Variants in ADAR observed in about 807,000 individuals in gnomAD.
ADAR encodes double-stranded RNA-specific adenosine deaminase.
In ADAR, 41 loss-of-function variants were observed where a neutral mutation model predicts 113.2. That is an observed-to-expected ratio of 0.36 (90% confidence interval 0.28 to 0.47). The LOEUF (loss-of-function observed/expected upper bound fraction) is 0.47. ADAR is among the 20% of genes least tolerant of loss of function. The pLI, the probability that ADAR is intolerant of heterozygous loss-of-function variation, is 1.00. For synonymous variants in ADAR, 605 were observed against 572.6 expected (o/e 1.06, Z -0.81); for missense variants, 1,242 against 1,540.9 (o/e 0.81, Z 3.25).
chr1:154,605,502 A>C (rs770520627), intron 1 of ADAR, among the ~76,000 whole-genome samples: 1 of 150,584 alleles, frequency 6.6e-6, no homozygotes, highest in South Asian at 2.1e-4. Context: ...TAGGTGTCCT[A>C]TAAGTTATAC....
At chr1:154,613,533 C>T (rs1264261402) in intron 1 of ADAR, among the ~76,000 whole-genome samples, 4 of 152,018 alleles carry the variant, frequency 2.6e-5, no homozygotes, top group African/African-American at 9.7e-5. Flanking sequence ...GATCCGCCTG[C>T]CTCGGCCTCC....
chr1:154,600,937 G>T, intron 2 of ADAR, 104 bp downstream of exon 2: 1 of 1,496,776 alleles, frequency 6.7e-7, no homozygotes, highest in Non-Finnish European at 9.3e-7. Flanking sequence ...AGGAGGAAAA[G>T]ATAGGCGCCA....
At chr1:154,621,884 C>T (rs1333323555) in intron 1 of ADAR, among the ~76,000 whole-genome samples, 1 of 152,128 alleles carries the variant, frequency 6.6e-6, no homozygotes, top group South Asian at 2.1e-4. Context: ...TAAATAATAA[C>T]CCTGTCATTT....
intron 1 of ADAR, among the ~76,000 whole-genome samples, chr1:154,624,746 A>C (rs1211637891): frequency 6.6e-6 from 1 of 152,244 alleles, no homozygotes; most frequent in Non-Finnish European, 1.5e-5. Flanking sequence ...TTAAGGTCCA[A>C]GTCTAACAGA....
Position 154,585,347 on chromosome 1 carries a change from A to T in ADAR, c.3316-3T>A, listed in dbSNP as rs1696682186. 1 of 1,613,966 alleles carries T rather than the reference A, an allele frequency of 6.2e-7. No individual in the cohort carries two copies. The highest frequency in any genetic ancestry group is 1.7e-5 in the Admixed American group (1 of 60,004). On this transcript the variant is annotated splice_region_variant and splice_polypyrimidine_tract_variant and intron_variant, in intron 13 of 14. Coordinates refer to ENST00000368474, the MANE Select transcript of ADAR (RefSeq NM_001111.5). Reference sequence around the variant, plus strand: ...TCATATATGCTGACTCTGCCAACCTAGGAATCCCAGAAGCAACGGGAGAAA... The same window carrying T: ...TCATATATGCTGACTCTGCCAACCTTGGAATCCCAGAAGCAACGGGAGAAA...
upstream of ADAR, chr1:154,608,643 G>C (rs2101673676): frequency 6.5e-6 from 1 of 152,698 alleles, no homozygotes; most frequent in Non-Finnish European, 1.5e-5. Flanking sequence ...CGCCCGTCCG[G>C]TACTGTTTAG....
rs1275238356 is a variant in ADAR, at chr1:154,601,185, C to A, written c.1457G>T (p.Gly486Val). 5 of 1,614,098 alleles carry A rather than the reference C, an allele frequency of 3.1e-6. No individual in the cohort carries two copies. The Admixed American group carries it at 5.0e-5, about 16-fold the overall frequency. ...CTTGTAGGGTGAACACCGTGGCAAG[C>A]CATGACTGTAGAAGGAGGGCATCTC... ...IMEMPSFYSH[G>V]LPRCSPYKKL... The change falls in exon 2 of 15, where the codon GGC becomes GTC. Residue 486 changes from glycine to valine, a missense_variant. Transcript: ENST00000368474. The surrounding 1 kb of genome is among the most constrained non-coding windows in gnomAD (Gnocchi z 4.7).
In ADAR at chr1:154,585,781, C is replaced by T. The variant is rs747462052; in HGVS notation, c.3287G>A (p.Arg1096Gln). The change falls in exon 13 of 15, where the codon CGA becomes CAA. Residue 1096 changes from arginine (R) to glutamine (Q), a missense_variant. Coordinates refer to ENST00000368474, the MANE Select transcript of ADAR (RefSeq NM_001111.5). ...GGGGTGGTTGACAATAAAGGGATGT[C>T]GTAGTCCATCCTCAAATGCACTCCC... ...RDGSAFEDGL[R>Q]HPFIVNHPKV... The T allele has an allele frequency of 4.3e-6, 7 of 1,613,748 alleles. No homozygotes were observed. Among genetic ancestry groups the T allele is most frequent in the South Asian group, 3.3e-5 (3 of 91,064 alleles).
upstream of ADAR, chr1:154,608,193 G>C (rs967780581): frequency 1.9e-5 from 13 of 677,460 alleles, no homozygotes; most frequent in Non-Finnish European, 3.0e-5. Context: ...GTTCAATTTC[G>C]CTTTCGTTTC....
intron 11 of ADAR, 77 bp downstream of exon 11, chr1:154,588,048 C>T (rs1696879009): frequency 6.3e-7 from 1 of 1,599,402 alleles, no homozygotes; most frequent in African/African-American, 1.3e-5. Context: ...AAAATCCTAG[C>T]AGCCTTGTAG....
chr1:154,607,988 T>G lies in ADAR; in HGVS notation c.15+4A>C. ...GGCGAAGGTCCAAGGCCGGCCCGGC[T>G]TACCTGCCGCGGATTCATTGCGCCC... On this transcript the variant is annotated splice_donor_region_variant and intron_variant, in intron 1 of 14. Coordinates refer to ENST00000368474, the MANE Select transcript of ADAR (RefSeq NM_001111.5). 6.2e-7 allele frequency: 1 copy of G among 1,609,124 alleles called. No homozygotes were observed. The highest frequency in any genetic ancestry group is 8.5e-7 in the Non-Finnish European group (1 of 1,178,194).
At chr1:154,623,478 G>A (rs551117432) in intron 1 of ADAR, among the ~76,000 whole-genome samples, 2 of 152,304 alleles carry the variant, frequency 1.3e-5, no homozygotes, top group African/African-American at 4.8e-5. Flanking sequence ...CACCCCTGCA[G>A]TAGTCATGTG....
chr1:154,620,775 T>C (rs1027882717), intron 1 of ADAR, among the ~76,000 whole-genome samples: 7 of 152,254 alleles, frequency 4.6e-5, no homozygotes, highest in Non-Finnish European at 8.8e-5. Context: ...GAAAATGTTT[T>C]ATTTCTTGAT....
chr1:154,585,617 A>T, intron 13 of ADAR, 136 bp downstream of exon 13: 1 of 910,822 alleles, frequency 1.1e-6, no homozygotes, highest in Non-Finnish European at 1.7e-6. Context: ...GTGGTGGGCC[A>T]CTGTGGGCAA....
At position 154,596,921 on chromosome 1, in the gene ADAR, C is replaced by T. The variant is rs1444843642; in HGVS notation, c.2154G>A (p.Glu718=). ...GGTTGGTGTTCAGGTATCTCACGAG[C>T]TCGCCAATCTTCCTGACCTTGTTGG... The part of the protein sequence containing the change: ...MMPNKVRKIG[E]LVRYLNTNPV... Residue 718 remains glutamate (E), a synonymous_variant, in exon 6 of 15, where the codon GAG becomes GAA. Transcript: ENST00000368474. The T allele has an allele frequency of 6.2e-7, 1 of 1,614,154 alleles. No homozygotes were observed. Among genetic ancestry groups the T allele is most frequent in the Non-Finnish European group, 8.5e-7 (1 of 1,180,026 alleles).
intron 1 of ADAR, among the ~76,000 whole-genome samples, chr1:154,615,338 T>C (rs1698603550): frequency 6.6e-6 from 1 of 152,220 alleles, no homozygotes; most frequent in Non-Finnish European, 1.5e-5. Flanking sequence ...TAGGAGTTTC[T>C]GCATTTGGGT....
At chr1:154,600,819 C>T in intron 2 of ADAR, 1 of 636,764 alleles carries the variant, frequency 1.6e-6, no homozygotes, top group Non-Finnish European at 2.7e-6. Context: ...ACAGAGTCAA[C>T]CTCCCCCTTG....
chr1:154,613,110 C>T (rs1306777925), upstream of ADAR, among the ~76,000 whole-genome samples: 1 of 151,540 alleles, frequency 6.6e-6, no homozygotes, highest in Non-Finnish European at 1.5e-5. Flanking sequence ...TGCGCTAGTC[C>T]CTCAACATTA....
chr1:154,600,360 C>G (rs1697785297), intron 2 of ADAR: 1 of 153,090 alleles, frequency 6.5e-6, no homozygotes, highest in African/African-American at 2.4e-5. Context: ...GGGGTTTCAC[C>G]ATGTTGGCCA....
Sources: gnomAD v4.1 joint callset for allele counts (sites outside exome capture counted in the v4.1 genomes callset) on GRCh38, gnomAD v4.1.1 for gene constraint, Gnocchi (gnomAD v3.1) non-coding constraint, MANE v1.5 for transcripts, NCBI Gene and HGNC (gene_info 2026-07-23, HGNC 2026-07-21) for gene names.